NEBL: variants seen among roughly 807,000 people sequenced by gnomAD.
The protein encoded by NEBL is nebulette, also known as LIM and SH3 protein 2.
NEBL carries 122 observed loss-of-function variants against 140.2 expected under a neutral mutation model. That is an observed-to-expected ratio of 0.87 (90% CI 0.75 to 1.01). The LOEUF is 1.01. Ranked by LOEUF, NEBL falls within the 50% of genes least tolerant of loss-of-function variation. The pLI, the probability that NEBL is intolerant of heterozygous loss-of-function variation, is 0.00. For missense variants in NEBL, 1,365 were observed against 1,231.3 expected, an observed-to-expected ratio of 1.11 and a Z score of -1.62; for synonymous variants, 436 against 398.9, an observed-to-expected ratio of 1.09 and a Z score of -1.11.
At chr10:21,226,300 G>T (rs145517470) in intron 3 of NEBL, among the ~76,000 whole-genome samples, 1 of 151,862 alleles carries the variant, frequency 6.6e-6, no homozygotes, top group East Asian at 2.0e-4. Flanking sequence ...TCAAGCAGAA[G>T]GAAGGATCTC....
intron 2 of NEBL, chr10:21,248,102 A>T (rs1588560853): frequency 4.5e-6 from 1 of 222,790 alleles, no homozygotes; most frequent in Non-Finnish European, 1.0e-5. Flanking sequence ...TCAGGGTCTC[A>T]TTCTGTTGCC....
intron 2 of NEBL, among the ~76,000 whole-genome samples, chr10:21,161,736 A>G (rs1426887875): frequency 6.6e-6 from 1 of 152,138 alleles, no homozygotes; most frequent in Admixed American, 6.5e-5. Context: ...TGGAATAGGA[A>G]GGCTCAGGAT....
intron 4 of NEBL, among the ~76,000 whole-genome samples, chr10:20,952,337 T>G (rs2131596150): frequency 1.3e-5 from 2 of 149,772 alleles, no homozygotes; most frequent in South Asian, 4.2e-4. Context: ...CTAGGGAGGC[T>G]GAGGCAGGAG....
chr10:21,189,270 G>C (rs1464905008), intron 3 of NEBL, among the ~76,000 whole-genome samples: 1 of 151,706 alleles, frequency 6.6e-6, no homozygotes, highest in Non-Finnish European at 1.5e-5. Flanking sequence ...AGGAGACACA[G>C]AGGAGGAGGC....
intron 27 of NEBL, 36 bp from the exon 28 acceptor site, chr10:20,785,959 G>A (rs370838950): frequency 1.7e-4 from 278 of 1,592,852 alleles, no homozygotes; most frequent in Non-Finnish European, 2.2e-4. Flanking sequence ...GATGAATGCC[G>A]AAATAGCTAC....
At chr10:21,149,591 T>C (rs1840059761) in intron 2 of NEBL, among the ~76,000 whole-genome samples, 1 of 152,186 alleles carries the variant, frequency 6.6e-6, no homozygotes, top group Non-Finnish European at 1.5e-5. Flanking sequence ...GCGCCCGACC[T>C]GTAAGTCTTT....
chr10:20,917,282 A>G (rs1296706136), intron 4 of NEBL, among the ~76,000 whole-genome samples: 1 of 152,184 alleles, frequency 6.6e-6, no homozygotes, highest in Non-Finnish European at 1.5e-5. Flanking sequence ...ACAATCACTA[A>G]TATTGTATTT....
rs1161160394 is a variant in NEBL at position 20,941,012 on chromosome 10, A to G, written c.357+20660T>C. Reference sequence around the variant, plus strand: ...AGCCGAATTCTACCAGAGGTACAAGAAGGAGCTGGTACCATTCCTTCTGAA... The same window carrying G: ...AGCCGAATTCTACCAGAGGTACAAGGAGGAGCTGGTACCATTCCTTCTGAA... On this transcript the variant is annotated intron_variant, in intron 4 of 6. Transcript: ENST00000417816. 7.9e-3 allele frequency among the ~76,000 whole-genome samples: 1,201 copies of G among 151,970 alleles called. 18 individuals carry two copies. Among genetic ancestry groups the G allele is most frequent in the Admixed American group, 0.013 (204 of 15,238 alleles).
At chr10:21,110,433 A>G (rs1837942356) in intron 2 of NEBL, among the ~76,000 whole-genome samples, 1 of 152,174 alleles carries the variant, frequency 6.6e-6, no homozygotes, top group African/African-American at 2.4e-5. Flanking sequence ...ATTGGTATAG[A>G]GCTACTCATA....
At chr10:21,075,567 A>G (rs758961497) in intron 2 of NEBL, among the ~76,000 whole-genome samples, 1 of 152,202 alleles carries the variant, frequency 6.6e-6, no homozygotes, top group Non-Finnish European at 1.5e-5. Flanking sequence ...AAATCCTTCC[A>G]GAAGCACGAT....
intron 2 of NEBL, among the ~76,000 whole-genome samples, chr10:21,048,787 G>T (rs613306): frequency 5.9e-5 from 9 of 151,972 alleles, no homozygotes; most frequent in Non-Finnish European, 1.0e-4. Flanking sequence ...CCTTAGGTCA[G>T]GAGTACGAGA....
chr10:21,061,303 T>C (rs1236356641), intron 2 of NEBL, among the ~76,000 whole-genome samples: 1 of 142,926 alleles, frequency 7.0e-6, no homozygotes, highest in Non-Finnish European at 1.5e-5. Context: ...ATATTACATA[T>C]TATGTGATAT....
chr10:20,908,623 T>A (rs960462935), intron 4 of NEBL, among the ~76,000 whole-genome samples: 3 of 152,218 alleles, frequency 2.0e-5, no homozygotes, highest in African/African-American at 7.2e-5. Flanking sequence ...TCAGGGTTTA[T>A]ATTTTTTAAT....
intron 3 of NEBL, among the ~76,000 whole-genome samples, chr10:21,014,151 T>C (rs1347093504): frequency 6.6e-6 from 1 of 152,042 alleles, no homozygotes; most frequent in African/African-American, 2.4e-5. Context: ...AGATTTAGGG[T>C]CTCACTCTGT....
intron 12 of NEBL, among the ~76,000 whole-genome samples, chr10:20,842,880 C>T (rs1035505912): frequency 6.6e-6 from 1 of 152,022 alleles, no homozygotes; most frequent in Non-Finnish European, 1.5e-5. Flanking sequence ...TCCCACCCTC[C>T]AGCCTCTGTA....
In NEBL at chr10:21,082,761, A is replaced by ATTTTTTTTTTTTT. The variant is rs71392113; in HGVS notation, c.165-62573_165-62561dup. Among the ~76,000 whole-genome samples the ATTTTTTTTTTTTT allele has an allele frequency of 5.5e-5, 6 of 109,548 alleles. 2 individuals are homozygous for ATTTTTTTTTTTTT. The highest frequency in any genetic ancestry group is 9.0e-5 in the Non-Finnish European group (5 of 55,828). The allele number at this position is 109,548 out of a possible 152,430, so 71.9% of individuals were successfully genotyped here. Reference sequence around the variant, plus strand: ...ATTATGGGATATGCAGGAGGGATGCATTTTTTTTTTTTTTTTTTTGAGACA... The same window carrying ATTTTTTTTTTTTT: ...ATTATGGGATATGCAGGAGGGATGCATTTTTTTTTTTTTTTTTTTTTTTTTTTTTTTTGAGACA... On this transcript the variant is annotated intron_variant, in intron 2 of 6. Coordinates refer to the NEBL transcript ENST00000417816.
intron 3 of NEBL, among the ~76,000 whole-genome samples, chr10:21,008,250 C>A (rs983377638): frequency 6.6e-6 from 1 of 152,046 alleles, no homozygotes; most frequent in Non-Finnish European, 1.5e-5. Context: ...GTACAGTAGT[C>A]CCCTCTTATC....
At chr10:21,095,079 G>A (rs1454624270) in intron 2 of NEBL, among the ~76,000 whole-genome samples, 1 of 152,176 alleles carries the variant, frequency 6.6e-6, no homozygotes, top group Non-Finnish European at 1.5e-5. Context: ...CACTTAGATA[G>A]AAAGGTTTGT....
At chr10:20,990,052 T>C (rs999515666) in intron 3 of NEBL, among the ~76,000 whole-genome samples, 2 of 152,212 alleles carry the variant, frequency 1.3e-5, no homozygotes, top group African/African-American at 2.4e-5. Flanking sequence ...TGTCATTAAA[T>C]TGAAGTTATG....
Sources: allele counts gnomAD v4.1 joint callset (sites outside exome capture counted in the v4.1 genomes callset), GRCh38; gene constraint gnomAD v4.1.1; transcripts MANE v1.5; gene names NCBI Gene and HGNC (gene_info 2026-07-23, HGNC 2026-07-21).